ALK: variants seen among roughly 807,000 people sequenced by gnomAD.
The protein encoded by ALK is ALK tyrosine kinase receptor.
A neutral mutation model predicts 163.1 loss-of-function variants in ALK; 74 were observed. The ratio of observed to expected loss-of-function variants is 0.45; its 90% CI spans 0.38 to 0.55. The LOEUF (loss-of-function observed/expected upper bound fraction) is 0.55, where lower values mean the gene tolerates loss of function less well. ALK is among the 20% of genes least tolerant of loss of function. The pLI, the probability that ALK is intolerant of heterozygous loss-of-function variation, is 0.00. For synonymous variants in ALK, 960 were observed against 843.2 expected, an observed-to-expected ratio of 1.14 and a Z score of -2.40; for missense variants, 2,063 against 2,105.3, an observed-to-expected ratio of 0.98 and a Z score of 0.39.
intron 1 of ALK, among the ~76,000 whole-genome samples, chr2:29,790,941 T>G (rs918306299): frequency 2.6e-5 from 4 of 152,178 alleles, no homozygotes; most frequent in Non-Finnish European, 1.5e-5. Flanking sequence ...CTGCAGAAAC[T>G]GGAGTGACAG....
At chr2:29,413,575 A>T (rs1268581221) in intron 4 of ALK, among the ~76,000 whole-genome samples, 1 of 152,124 alleles carries the variant, frequency 6.6e-6, no homozygotes, top group Non-Finnish European at 1.5e-5. Flanking sequence ...TCTTTTGCCC[A>T]GGCTGGAGTG....
At chr2:29,660,351 G>A (rs893078056) in intron 3 of ALK, among the ~76,000 whole-genome samples, 2 of 152,154 alleles carry the variant, frequency 1.3e-5, no homozygotes, top group African/African-American at 4.8e-5. Flanking sequence ...AATTTGTTCA[G>A]AGGAACTGGA....
chr2:29,855,370 C>T (rs1666113028), intron 1 of ALK, among the ~76,000 whole-genome samples: 1 of 152,146 alleles, frequency 6.6e-6, no homozygotes, highest in Non-Finnish European at 1.5e-5. Flanking sequence ...CCCTGATGCA[C>T]AAGTAACTCA....
At chr2:29,296,467 C>T (rs577950607) in intron 9 of ALK, among the ~76,000 whole-genome samples, 90 of 152,328 alleles carry the variant, frequency 5.9e-4, no homozygotes, top group African/African-American at 2.1e-3. Flanking sequence ...TCCTACCTAC[C>T]TTGCAGGTTT....
At chr2:29,463,802 G>A (rs1671142030) in intron 4 of ALK, among the ~76,000 whole-genome samples, 1 of 152,076 alleles carries the variant, frequency 6.6e-6, no homozygotes, top group Admixed American at 6.5e-5. Context: ...CATGCATGAG[G>A]GAAAACTACC....
At chr2:29,864,450 C>T (rs985676844) in intron 1 of ALK, among the ~76,000 whole-genome samples, 1 of 152,218 alleles carries the variant, frequency 6.6e-6, no homozygotes, top group South Asian at 2.1e-4. Flanking sequence ...CTCACCACAA[C>T]ATACAATTTT....
chr2:29,620,369 A>G (rs1374227309), intron 3 of ALK, among the ~76,000 whole-genome samples: 1 of 152,060 alleles, frequency 6.6e-6, no homozygotes. Context: ...TCTTATAAGG[A>G]TCTACCTTCC....
At chr2:29,304,493 T>TAAAAAAAAAAAAA (rs70958256) in intron 8 of ALK, among the ~76,000 whole-genome samples, 2 of 125,420 alleles carry the variant, frequency 1.6e-5, no homozygotes, top group Admixed American at 8.2e-5. Context: ...AGACTGTGTC[T>TAAAAAAAAAAAAA]AAAAAAAAAA....
At chr2:29,538,263 C>A (rs1268009821) in intron 3 of ALK, among the ~76,000 whole-genome samples, 1 of 152,024 alleles carries the variant, frequency 6.6e-6, no homozygotes, top group Non-Finnish European at 1.5e-5. Context: ...ATGTGATTCC[C>A]AATGTTGGAG....
At chr2:29,508,622 A>G (rs993205651) in intron 4 of ALK, among the ~76,000 whole-genome samples, 2 of 150,878 alleles carry the variant, frequency 1.3e-5, no homozygotes, top group African/African-American at 4.9e-5. Context: ...GGTGCAGCAC[A>G]CCAACATGGC....
At chr2:29,577,409 G>T (rs1452136299) in intron 3 of ALK, among the ~76,000 whole-genome samples, 1 of 152,146 alleles carries the variant, frequency 6.6e-6, no homozygotes, top group African/African-American at 2.4e-5. Context: ...GTGACAAAAG[G>T]CAAAAAGAAA....
At chr2:29,840,015 A>G (rs924383619) in intron 1 of ALK, among the ~76,000 whole-genome samples, 3 of 152,234 alleles carry the variant, frequency 2.0e-5, no homozygotes, top group East Asian at 3.8e-4. Flanking sequence ...TTATTTGCTC[A>G]AGACAAAGCT....
At chr2:29,524,621 C>A (rs905209056) in intron 4 of ALK, among the ~76,000 whole-genome samples, 1 of 152,228 alleles carries the variant, frequency 6.6e-6, no homozygotes, top group African/African-American at 2.4e-5. Context: ...ATGCACTGTA[C>A]AGATATTTAC....
intron 8 of ALK, among the ~76,000 whole-genome samples, chr2:29,302,352 T>C (rs1666395688): frequency 6.6e-6 from 1 of 152,136 alleles, no homozygotes; most frequent in South Asian, 2.1e-4. Context: ...ACCCTGCCTC[T>C]ACTGAAAATA....
At chr2:29,199,756 A>G (rs192669970) in intron 26 of ALK, among the ~76,000 whole-genome samples, 20 of 152,280 alleles carry the variant, frequency 1.3e-4, no homozygotes, top group African/African-American at 4.8e-4. Context: ...TTCGTGTTCT[A>G]AAAGAATCAC....
Position 29,207,269 on chromosome 2 carries a change from C to G in ALK, c.3840G>C (p.Ala1280=), listed in dbSNP as rs765226629. The change falls in exon 26 of 29, where the codon GCG becomes GCC. Residue 1280 remains alanine, a synonymous_variant. Coordinates refer to ENST00000389048, the MANE Select transcript of ALK (RefSeq NM_004304.5). ...DFGMARDIYR[A]SYYRKGGCAM... ...CACAGCCTCCCTTTCTATAGTAGCT[C>G]GCCCTGTGGGGAAGGAGAGGAAAAC... The G allele has an allele frequency of 9.3e-6, 15 of 1,613,802 alleles. No individual in the cohort carries two copies. The highest frequency in any genetic ancestry group is 1.3e-5 in the Non-Finnish European group (15 of 1,179,834).
At chr2:29,810,956 C>T (rs1664743744) in intron 1 of ALK, among the ~76,000 whole-genome samples, 1 of 152,042 alleles carries the variant, frequency 6.6e-6, no homozygotes, top group Non-Finnish European at 1.5e-5. Flanking sequence ...TGTCTGCAAG[C>T]CAGGAAGAGA....
chr2:29,565,129 C>T (rs759086802), intron 3 of ALK, among the ~76,000 whole-genome samples: 3 of 152,200 alleles, frequency 2.0e-5, no homozygotes, highest in Non-Finnish European at 4.4e-5. Context: ...TGATATGGTG[C>T]CCTTTGGGGT....
At chr2:29,639,506 C>T (rs1176282775) in intron 3 of ALK, among the ~76,000 whole-genome samples, 1 of 152,196 alleles carries the variant, frequency 6.6e-6, no homozygotes, top group African/African-American at 2.4e-5. Flanking sequence ...ACTTACAAGA[C>T]TTTGCACTCT....
Sources: gnomAD v4.1 joint callset for allele counts (sites outside exome capture counted in the v4.1 genomes callset) on GRCh38, gnomAD v4.1.1 for gene constraint, MANE v1.5 for transcripts, NCBI Gene and HGNC (gene_info 2026-07-23, HGNC 2026-07-21) for gene names.